The following IQGAP2 variants were observed in gnomAD, a reference collection of about 807,000 sequenced individuals.
The protein encoded by IQGAP2 is ras GTPase-activating-like protein IQGAP2.
A neutral mutation model predicts 201.3 loss-of-function variants in IQGAP2; 173 were observed. That is an observed-to-expected ratio of 0.86 (90% CI 0.76 to 0.98). The LOEUF is 0.98. Among genes scored for constraint, IQGAP2 ranks in the 50% least tolerant of loss-of-function variants. The probability of loss-of-function intolerance (pLI) is 0.00; values close to 1 mark genes in which losing one functional copy is unlikely to be tolerated. For missense variants in IQGAP2, 1,687 were observed against 1,864.8 expected, an observed-to-expected ratio of 0.90 and a Z score of 1.76; for synonymous variants, 675 against 673.9, an observed-to-expected ratio of 1.00 and a Z score of -0.03.
intron 1 of IQGAP2, among the ~76,000 whole-genome samples, chr5:76,433,839 G>C (rs986055167): frequency 3.9e-5 from 6 of 152,070 alleles, no homozygotes; most frequent in Non-Finnish European, 8.8e-5. Context: ...TTTCCTATTT[G>C]TCACATCCAA....
At chr5:76,566,660 A>G (rs1036079526) in intron 3 of IQGAP2, among the ~76,000 whole-genome samples, 3 of 152,128 alleles carry the variant, frequency 2.0e-5, no homozygotes, top group Non-Finnish European at 4.4e-5. Context: ...CAGAAGGAGG[A>G]TAAGAGGGGA....
At chr5:76,426,834 C>T (rs1406635939) in intron 1 of IQGAP2, among the ~76,000 whole-genome samples, 1 of 152,000 alleles carries the variant, frequency 6.6e-6, no homozygotes, top group African/African-American at 2.4e-5. Flanking sequence ...GGGCCCCTGC[C>T]CCTCCATCCT....
intron 17 of IQGAP2, among the ~76,000 whole-genome samples, chr5:76,646,663 T>G (rs974766604): frequency 6.6e-6 from 1 of 152,214 alleles, no homozygotes; most frequent in Non-Finnish European, 1.5e-5. Flanking sequence ...AAGCATTTGA[T>G]AGAATTCTAG....
rs749375068 is a variant in IQGAP2 at position 76,637,056 on chromosome 5, C to T, written c.1803C>T (p.Leu601=). ...TAGTGTCTAGTGACGGTTCATGGCT[C>T]AAACTCAACCTGCACAAAAAATATG... ...SERVSSDGSW[L]KLNLHKKYDY... is the part of the protein sequence containing the mutation. Residue 601 remains leucine (L), a synonymous_variant, in exon 16 of 36, where the codon CTC becomes CTT. Coordinates refer to ENST00000274364, the MANE Select transcript of IQGAP2 (RefSeq NM_006633.5). 15 of 1,609,628 alleles carry T rather than the reference C, an allele frequency of 9.3e-6. No homozygotes were observed. The highest frequency in any genetic ancestry group is 1.3e-5 in the African/African-American group (1 of 74,808).
chr5:76,511,830 G>A (rs943382454), intron 2 of IQGAP2, among the ~76,000 whole-genome samples: 3 of 151,940 alleles, frequency 2.0e-5, no homozygotes, highest in Admixed American at 6.6e-5. Flanking sequence ...ACAGGCGCCC[G>A]CCACTACGCC....
At chr5:76,463,414 C>G (rs77974314) in intron 2 of IQGAP2, among the ~76,000 whole-genome samples, 10,764 of 152,196 alleles carry the variant, frequency 0.071, 403 homozygotes, top group South Asian at 0.15. Context: ...AATTTGTCCC[C>G]TCTGTAAATG....
At chr5:76,680,306 T>C (rs1212028701) in intron 28 of IQGAP2, among the ~76,000 whole-genome samples, 2 of 152,206 alleles carry the variant, frequency 1.3e-5, no homozygotes, top group African/African-American at 4.8e-5. Context: ...GTTGTGCCCC[T>C]TCCTTCCACT....
intron 11 of IQGAP2, among the ~76,000 whole-genome samples, chr5:76,604,159 T>A (rs1187831777): frequency 6.6e-6 from 1 of 151,882 alleles, no homozygotes; most frequent in African/African-American, 2.4e-5. Flanking sequence ...CCTCGGTGTA[T>A]GTTGTTGTTC....
chr5:76,637,067 T>A lies in IQGAP2; in HGVS notation c.1814T>A (p.Leu605Gln). ...SSDGSWLKLN[L>Q]HKKYDYYYNT... The stretch of plus-strand genomic sequence containing the variant: ...GACGGTTCATGGCTCAAACTCAACC[T>A]GCACAAAAAATATGACTACTATTAC... The change falls in exon 16 of 36, where the codon CTG (leucine) becomes CAG (glutamine). Residue 605 changes from leucine (L) to glutamine (Q), a missense_variant. Transcript: ENST00000274364. 6.2e-7 allele frequency: 1 copy of A among 1,611,702 alleles called. No individual in the cohort carries two copies. Among genetic ancestry groups the A allele is most frequent in the South Asian group, 1.1e-5 (1 of 90,690 alleles).
chr5:76,680,063 ACT>A (rs1745146090), intron 28 of IQGAP2, among the ~76,000 whole-genome samples: 1 of 152,146 alleles, frequency 6.6e-6, no homozygotes, highest in African/African-American at 2.4e-5. Flanking sequence ...TCAAACAGAT[ACT>A]CTCTCCTTCA....
intron 2 of IQGAP2, among the ~76,000 whole-genome samples, chr5:76,533,305 G>A (rs1365418275): frequency 6.6e-6 from 1 of 152,124 alleles, no homozygotes; most frequent in Non-Finnish European, 1.5e-5. Flanking sequence ...GGATGGTGCA[G>A]TAGAATGTTA....
chr5:76,485,300 A>G (rs902211489), intron 2 of IQGAP2, among the ~76,000 whole-genome samples: 8 of 152,260 alleles, frequency 5.3e-5, no homozygotes, highest in African/African-American at 1.9e-4. Flanking sequence ...CTTTTGACAC[A>G]TAAAGATTTA....
intron 13 of IQGAP2, among the ~76,000 whole-genome samples, chr5:76,626,157 G>C (rs382705): frequency 0.64 from 97,336 of 151,340 alleles, 31,455 homozygotes; most frequent in Middle Eastern, 0.68. Context: ...CCTGCAACTT[G>C]ACACCTTTAC....
At chr5:76,549,799 A>C (rs955155416) in intron 2 of IQGAP2, among the ~76,000 whole-genome samples, 1 of 152,046 alleles carries the variant, frequency 6.6e-6, no homozygotes, top group Non-Finnish European at 1.5e-5. Context: ...AGCCACACCT[A>C]ATCACCTCAT....
intron 2 of IQGAP2, among the ~76,000 whole-genome samples, chr5:76,497,843 G>T (rs1425522089): frequency 1.3e-5 from 2 of 152,204 alleles, no homozygotes; most frequent in Admixed American, 6.5e-5. Flanking sequence ...TTAACCAAGG[G>T]TTAAGAGGCC....
chr5:76,641,707 C>T (rs1751601044), intron 17 of IQGAP2, among the ~76,000 whole-genome samples: 1 of 152,126 alleles, frequency 6.6e-6, no homozygotes, highest in Non-Finnish European at 1.5e-5. Flanking sequence ...ATTCCTATAG[C>T]GCCCCCTACC....
At chr5:76,432,649 TAACTTA>T (rs1752441274) in intron 1 of IQGAP2, among the ~76,000 whole-genome samples, 1 of 152,276 alleles carries the variant, frequency 6.6e-6, no homozygotes, top group Non-Finnish European at 1.5e-5. Context: ...GTAGTAAGAA[TAACTTA>T]AACGGTGCCA....
chr5:76,647,806 T>C (rs1051966738), intron 17 of IQGAP2, among the ~76,000 whole-genome samples: 18 of 147,430 alleles, frequency 1.2e-4, no homozygotes, highest in African/African-American at 4.4e-4. Context: ...CAGTAACTGC[T>C]CTACTCTAGC....
intron 1 of IQGAP2, among the ~76,000 whole-genome samples, chr5:76,444,501 G>A (rs1191821638): frequency 1.3e-5 from 2 of 152,138 alleles, no homozygotes. Context: ...GTTTCACCAC[G>A]TTGGCCAGGC....
Sources: allele counts gnomAD v4.1 joint callset (sites outside exome capture counted in the v4.1 genomes callset), GRCh38; gene constraint gnomAD v4.1.1; transcripts MANE v1.5; gene names NCBI Gene and HGNC (gene_info 2026-07-23, HGNC 2026-07-21).